KANK1: variants seen among roughly 807,000 people sequenced by gnomAD.
KANK1 encodes KN motif and ankyrin repeat domains 1.
In KANK1, 109 loss-of-function variants were observed where a neutral mutation model predicts 106.2. The ratio of observed to expected loss-of-function variants is 1.03; its 90% CI spans 0.88 to 1.20. KANK1 has a LOEUF of 1.20. Ranked by LOEUF, KANK1 falls within the 50% of genes most tolerant of loss-of-function variation. KANK1 has a pLI of 0.00. For synonymous variants in KANK1, 873 were observed against 652.2 expected, an observed-to-expected ratio of 1.34 and a Z score of -5.16; for missense variants, 2,399 against 1,710.7, an observed-to-expected ratio of 1.40 and a Z score of -7.10.
intron 1 of KANK1, among the ~76,000 whole-genome samples, chr9:611,727 CTTT>C (rs1011940686): frequency 2.0e-5 from 3 of 152,004 alleles, no homozygotes; most frequent in African/African-American, 7.2e-5. Context: ...CCATCTAACT[CTTT>C]TTTTTGGAGA....
rs377534690 is a variant in KANK1 at position 738,282 on chromosome 9, C to T, written c.3334-3C>T. On this transcript the variant is annotated splice_region_variant and splice_polypyrimidine_tract_variant and intron_variant, in intron 7 of 11. Coordinates refer to ENST00000382297, the MANE Select transcript of KANK1 (RefSeq NM_015158.5). ...AACTAACGACCACTTGGTGTTTTGG[C>T]AGAGGTTCTGTCTGAACACCCTCCA... 1.9e-5 allele frequency: 30 copies of T among 1,608,968 alleles called. No individual in the cohort carries two copies. Among genetic ancestry groups the T allele is most frequent in the Admixed American group, 6.7e-5 (4 of 59,300 alleles).
intron 2 of KANK1, among the ~76,000 whole-genome samples, chr9:678,420 T>TA (rs1250078329): frequency 6.6e-6 from 1 of 152,148 alleles, no homozygotes; most frequent in East Asian, 1.9e-4. Flanking sequence ...TTCAGGGACT[T>TA]ACTGTAAATG....
At position 477,136 on chromosome 9, in the gene KANK1, C is replaced by T. The variant is rs570496321; in HGVS notation, c.-362+3863C>T. Reference sequence around the variant, plus strand: ...CATGACAGGGAGTTTGGGTGACAGGCGATAAAGTAACGGACATTATGGAAA... The same window carrying T: ...CATGACAGGGAGTTTGGGTGACAGGTGATAAAGTAACGGACATTATGGAAA... On this transcript the variant is annotated intron_variant, in intron 3 of 15. Transcript: ENST00000382303. 8.9e-4 allele frequency among the ~76,000 whole-genome samples: 135 copies of T among 152,052 alleles called. 3 individuals carry two copies. Among genetic ancestry groups the T allele is most frequent in the African/African-American group, 3.1e-3 (128 of 41,462 alleles).
intron 1 of KANK1, among the ~76,000 whole-genome samples, chr9:632,201 A>G (rs1835904556): frequency 6.6e-6 from 1 of 152,226 alleles, no homozygotes; most frequent in Non-Finnish European, 1.5e-5. Flanking sequence ...ATTTTCCTTT[A>G]ACATCAGATA....
chr9:743,215 A>C (rs1836165772), intron 10 of KANK1, among the ~76,000 whole-genome samples: 1 of 152,212 alleles, frequency 6.6e-6, no homozygotes, highest in South Asian at 2.1e-4. Flanking sequence ...TTAGCTCAAA[A>C]CACCAAAAAG....
chr9:650,222 G>C (rs989016521), intron 1 of KANK1, among the ~76,000 whole-genome samples: 2 of 152,270 alleles, frequency 1.3e-5, no homozygotes, highest in South Asian at 2.1e-4. Flanking sequence ...ACCTTTCTCT[G>C]TTGGCAGCTG....
chr9:686,469 T>G (rs146324719), intron 2 of KANK1, among the ~76,000 whole-genome samples: 1 of 152,172 alleles, frequency 6.6e-6, no homozygotes, highest in African/African-American at 2.4e-5. Context: ...ATCAGCCTGA[T>G]GATACACTGA....
chr9:667,747 G>GTTTT (rs200088017), intron 1 of KANK1, among the ~76,000 whole-genome samples: 1 of 133,980 alleles, frequency 7.5e-6, no homozygotes, highest in Non-Finnish European at 1.6e-5. Context: ...TTTTTGTTTT[G>GTTTT]TTTTTTTTTT....
chr9:473,018 G>A (rs1482472249), intron 2 of KANK1, among the ~76,000 whole-genome samples: 1 of 152,238 alleles, frequency 6.6e-6, no homozygotes, highest in East Asian at 1.9e-4. Context: ...AACGGGTATA[G>A]TCATGGGGGC....
At chr9:602,900 A>C (rs566873995) in intron 1 of KANK1, among the ~76,000 whole-genome samples, 1 of 151,994 alleles carries the variant, frequency 6.6e-6, no homozygotes, top group Admixed American at 6.5e-5. Context: ...CAACTCTTGA[A>C]GAGCTATTTC....
At chr9:730,845 T>C (rs954977796) in intron 4 of KANK1, 1 of 213,940 alleles carries the variant, frequency 4.7e-6, no homozygotes, top group African/African-American at 2.3e-5. Flanking sequence ...AGTACGTAAA[T>C]GGTCCTTGAG....
chr9:695,832 G>C (rs1821127609), intron 2 of KANK1, among the ~76,000 whole-genome samples: 1 of 152,128 alleles, frequency 6.6e-6, no homozygotes, highest in African/African-American at 2.4e-5. Context: ...GCAGAGCCAG[G>C]ATTCAAACCC....
At chr9:701,947 C>G (rs1289587661) in intron 2 of KANK1, among the ~76,000 whole-genome samples, 1 of 152,150 alleles carries the variant, frequency 6.6e-6, no homozygotes, top group East Asian at 1.9e-4. Context: ...GAATTGCAAG[C>G]AAATTTCTCA....
intron 1 of KANK1, among the ~76,000 whole-genome samples, chr9:530,421 CT>C (rs1197705641): frequency 6.6e-6 from 1 of 152,106 alleles, no homozygotes; most frequent in Non-Finnish European, 1.5e-5. Context: ...TCCAAGTTTA[CT>C]TTTTTTCCCA....
chr9:486,602 C>T (rs2058297030), intron 3 of KANK1, among the ~76,000 whole-genome samples: 1 of 152,086 alleles, frequency 6.6e-6, no homozygotes, highest in African/African-American at 2.4e-5. Context: ...GCTACAGAGG[C>T]CACACTCTTA....
rs889672755 is a variant in KANK1, at chr9:692,115, T to C, written c.37+15106T>C. On this transcript the variant is annotated intron_variant, in intron 2 of 11. Transcript: ENST00000382297. ...TAAAATTCAAAACGGGACAGCTGTG[T>C]AGAGAGAGGCACAGTTTTATAAGAA... Among the ~76,000 whole-genome samples the C allele has an allele frequency of 3.9e-5, 6 of 152,300 alleles. No homozygotes were observed. In the South Asian group the frequency reaches 1.2e-3, roughly 32 times the overall value.
At chr9:731,890 G>T (rs45568232) in intron 5 of KANK1, 2,737 of 157,898 alleles carry the variant, frequency 0.017, 45 homozygotes, top group Middle Eastern at 0.051. Flanking sequence ...TACCATTAGG[G>T]TTTAACCTTA....
At chr9:481,466 T>G (rs2058202734) in intron 3 of KANK1, among the ~76,000 whole-genome samples, 1 of 152,184 alleles carries the variant, frequency 6.6e-6, no homozygotes, top group Admixed American at 6.5e-5. Flanking sequence ...TTTTATCTAA[T>G]AAGAGCCAAA....
At chr9:471,904 C>T (rs930770620) in intron 2 of KANK1, among the ~76,000 whole-genome samples, 9 of 152,058 alleles carry the variant, frequency 5.9e-5, no homozygotes, top group Admixed American at 1.3e-4. Context: ...ATATGTGAGC[C>T]GGTCACCAGG....
Sources: allele counts gnomAD v4.1 joint callset (sites outside exome capture counted in the v4.1 genomes callset), GRCh38; gene constraint gnomAD v4.1.1; transcripts MANE v1.5; gene names NCBI Gene and HGNC (gene_info 2026-07-23, HGNC 2026-07-21).